PKLR: variants seen among roughly 807,000 people sequenced by gnomAD.
The protein encoded by PKLR is pyruvate kinase PKLR.
In PKLR, 38 loss-of-function variants were observed where a neutral mutation model predicts 53.6. The observed-to-expected ratio is 0.71, with a 90% confidence interval of 0.55 to 0.93. The LOEUF (loss-of-function observed/expected upper bound fraction) is 0.93. PKLR is among the 40% of genes least tolerant of loss of function. PKLR has a pLI of 0.00. For synonymous variants in PKLR, 328 were observed against 316.2 expected, an observed-to-expected ratio of 1.04 and a Z score of -0.39; for missense variants, 702 against 787.3, an observed-to-expected ratio of 0.89 and a Z score of 1.30.
chr1:155,300,283 G>A lies in PKLR; in HGVS notation c.101-3C>T. ...CCGCCGCAGATACCCCGCTGGCCCTGTGGTAGAAGGGGGCTCAGGGACTGC... is the reference window on the plus strand; with the variant it reads ...CCGCCGCAGATACCCCGCTGGCCCTATGGTAGAAGGGGGCTCAGGGACTGC... On this transcript the variant is annotated splice_polypyrimidine_tract_variant and splice_region_variant and intron_variant, in intron 1 of 10. Coordinates refer to ENST00000342741, the MANE Select transcript of PKLR (RefSeq NM_000298.6). The A allele has an allele frequency of 1.3e-6, 2 of 1,579,092 alleles. No homozygotes were observed. Among genetic ancestry groups the A allele is most frequent in the Admixed American group, 1.9e-5 (1 of 53,898 alleles).
upstream of PKLR, among the ~76,000 whole-genome samples, chr1:155,304,660 T>G (rs975924454): frequency 6.6e-6 from 1 of 152,002 alleles, no homozygotes; most frequent in Non-Finnish European, 1.5e-5. Flanking sequence ...GCTTGAGCAG[T>G]TGGGTAGATG....
chr1:155,307,469 G>C, the PKLR span, among the ~76,000 whole-genome samples: 71 of 152,292 alleles, frequency 4.7e-4, no homozygotes, highest in African/African-American at 1.5e-3. Flanking sequence ...TAGGAGATTG[G>C]CTCAAGATAC....
upstream of PKLR, among the ~76,000 whole-genome samples, chr1:155,305,513 C>A (rs1189382172): frequency 6.6e-6 from 1 of 152,150 alleles, no homozygotes; most frequent in African/African-American, 2.4e-5. Flanking sequence ...ATAGAAGACA[C>A]AACAAATAAA....
rs184844386 is a variant in PKLR at position 155,292,798 on chromosome 1, C to A, written c.1436+379G>T. ...CAACCCCATGAAGAACAAATCATTA[C>A]CTTGTCCTGTTCATGAGGAAAGACA... On this transcript the variant is annotated intron_variant, in intron 9 of 10. Transcript: ENST00000342741. Among the ~76,000 whole-genome samples, 19 of 152,230 alleles carry A rather than the reference C, an allele frequency of 1.2e-4. No individual in the cohort carries two copies. In the East Asian group the frequency reaches 3.5e-3, roughly 28 times the overall value.
At chr1:155,304,357 C>T (rs1187338917), upstream of PKLR, among the ~76,000 whole-genome samples, 15 of 146,786 alleles carry the variant, frequency 1.0e-4, no homozygotes, top group African/African-American at 3.6e-4. Context: ...TCACTTGAAT[C>T]CGGGAGGCAG....
In PKLR at chr1:155,300,117, G is replaced by A. The variant is rs1198673903; in HGVS notation, c.264C>T (p.Thr88=). 6.2e-7 allele frequency: 1 copy of A among 1,613,854 alleles called. No individual in the cohort carries two copies. Residue 88 remains threonine (T), a synonymous_variant, in exon 2 of 11, where the codon ACC becomes ACT. Transcript: ENST00000342741. ...IDSEPVAARS[T]SIIATIGPAS... is the part of the protein sequence containing the mutation. Reference sequence around the variant, plus strand: ...GCTTACCGATGGTGGCAATGATGCTGGTACTGCGAGCAGCCACGGGCTCGG... The same window carrying A: ...GCTTACCGATGGTGGCAATGATGCTAGTACTGCGAGCAGCCACGGGCTCGG...
At position 155,295,477 on chromosome 1, in the gene PKLR, TCC is replaced by T; in HGVS notation, c.465_466del (p.Asp156HisfsTer64). The stretch of plus-strand genomic sequence containing the variant: ...AGTGCGGATCTCCGGTCCCTTGGTG[TCC>T]AGGGCGATGGCCACGGGCCGGTAGC... On this transcript the variant is annotated frameshift_variant, in exon 4 of 11. Transcript: ENST00000342741. LOFTEE classifies it high-confidence loss of function. This position sits in a 1 kb window ranked among gnomAD's most constrained non-coding sequence, Gnocchi z 4.3. 6.2e-7 allele frequency: 1 copy of T among 1,609,392 alleles called. No individual in the cohort carries two copies. Among genetic ancestry groups the T allele is most frequent in the Non-Finnish European group, 8.5e-7 (1 of 1,178,074 alleles).
Position 155,295,245 on chromosome 1 carries a change from G to T in PKLR, c.565C>A (p.Pro189Thr). 1.2e-6 allele frequency: 2 copies of T among 1,614,094 alleles called. No homozygotes were observed. The highest frequency in any genetic ancestry group is 2.2e-5 in the South Asian group (2 of 91,076). The change falls in exon 5 of 11, where the codon CCC becomes ACC. Residue 189 changes from proline (P) to threonine (T), a missense_variant. This residue lies in a region of PKLR where 519 missense variants were observed against 537.1 expected (regional missense o/e 0.97). Transcript: ENST00000342741. This position sits in a 1 kb window ranked among gnomAD's most constrained non-coding sequence, Gnocchi z 4.3. ...KGSQVLVTVD[P>T]AFRTRGNANT... is the part of the protein sequence containing the mutation. ...GCGTTCCCCCGCGTCCGGAACGCGG[G>T]GTCCACAGTCACCAGCACCTGGGAG...
intron 2 of PKLR, among the ~76,000 whole-genome samples, chr1:155,298,996 TTC>T (rs771082317): frequency 5.3e-4 from 52 of 98,438 alleles, no homozygotes; most frequent in Non-Finnish European, 8.9e-4. Flanking sequence ...CTTTCTTTCT[TTC>T]TTTCTTTCTT....
chr1:155,307,265 C>T, the PKLR span, among the ~76,000 whole-genome samples: 8 of 152,168 alleles, frequency 5.3e-5, no homozygotes, highest in African/African-American at 1.7e-4. Flanking sequence ...CACCCTCCAC[C>T]GGTGACAGTA....
chr1:155,300,831 C>T, intron 1 of PKLR: 9 of 1,603,610 alleles, frequency 5.6e-6, no homozygotes, highest in Non-Finnish European at 7.7e-6. Flanking sequence ...ACAGAGGTCC[C>T]TGTAGCTTGA....
chr1:155,291,632 C>T lies in PKLR; in HGVS notation c.1618+124G>A, dbSNP rs1002781598. On this transcript the variant is annotated intron_variant, in intron 10 of 10. Coordinates refer to ENST00000342741, the MANE Select transcript of PKLR (RefSeq NM_000298.6). ...CAGACTGATATCTCAGTCTTAGTGA[C>T]TCTCACAGGGAAAACCTGGGACCAC... The T allele has an allele frequency of 2.8e-5, 23 of 822,186 alleles. No individual in the cohort carries two copies. The East Asian group carries it at 5.6e-4, about 20-fold the overall frequency. 50.9% of individuals were successfully genotyped at this position (822,186 alleles called of 1,614,324 possible). A position where few individuals can be genotyped will look rare whatever the true frequency, so the allele number is the denominator to read the frequency against.
rs758011557 is a variant in PKLR at position 155,293,565 on chromosome 1, G to A, written c.1142C>T (p.Pro381Leu). Residue 381 changes from proline (P) to leucine (L), a missense_variant, in exon 8 of 11, where the codon CCC becomes CTC. Coordinates refer to ENST00000342741, the MANE Select transcript of PKLR (RefSeq NM_000298.6). This position sits in a 1 kb window ranked among gnomAD's most constrained non-coding sequence, Gnocchi z 4.2. ...GCTTGTCTCTGCCCTCGTTGGCCGG[G>A]GCTTGGTAATCATGCTCTCCAGCAT... ...TQMLESMITK[P>L]RPTRAETSDV... is the part of the protein sequence containing the mutation. 2 of 1,614,066 alleles carry A rather than the reference G, an allele frequency of 1.2e-6. No homozygotes were observed. Among genetic ancestry groups the A allele is most frequent in the African/African-American group, 2.7e-5 (2 of 74,920 alleles).
At position 155,294,532 on chromosome 1, in the gene PKLR, T is replaced by A; in HGVS notation, c.915A>T (p.Gly305=). The change falls in exon 6 of 11, where the codon GGA becomes GGT. Residue 305 remains glycine, a synonymous_variant. Transcript: ENST00000342741. ...TTTTGCTGATGATCTTGATGCCGTG[T>A]CCTTCCGGACCCAGAGCAGCCCTGA... ...AAVRAALGPE[G]HGIKIISKIE... The A allele has an allele frequency of 6.2e-7, 1 of 1,614,236 alleles. No homozygotes were observed. The highest frequency in any genetic ancestry group is 8.5e-7 in the Non-Finnish European group (1 of 1,180,040).
intron 10 of PKLR, 54 bp from the exon 11 acceptor site, chr1:155,290,732 T>C: frequency 1.8e-6 from 2 of 1,098,728 alleles, no homozygotes; most frequent in Non-Finnish European, 2.8e-6. Context: ...CTCACACCTG[T>C]AATCCCATCA....
Position 155,301,433 on chromosome 1 carries a change from T to G in PKLR, c.-38A>C. 6.2e-7 allele frequency: 1 copy of G among 1,613,816 alleles called. No homozygotes were observed. The highest frequency in any genetic ancestry group is 8.5e-7 in the Non-Finnish European group (1 of 1,179,960). On this transcript the variant is annotated 5_prime_UTR_variant, in exon 1 of 11. Coordinates refer to ENST00000342741, the MANE Select transcript of PKLR (RefSeq NM_000298.6). ...GGCCTGGGGCTGCGGGACCATGGAA[T>G]GAGAGGGAGAGGATGACAAAACTGC...
upstream of PKLR, among the ~76,000 whole-genome samples, chr1:155,306,374 C>A (rs1418577192): frequency 6.6e-6 from 1 of 152,168 alleles, no homozygotes; most frequent in Non-Finnish European, 1.5e-5. This position sits in a 1 kb window ranked among gnomAD's most constrained non-coding sequence, Gnocchi z 4.2. Context: ...ATGGGCCGTG[C>A]CCCGACGCAT....
chr1:155,304,692 A>G (rs931859733), upstream of PKLR, among the ~76,000 whole-genome samples: 6 of 152,184 alleles, frequency 3.9e-5, no homozygotes, highest in African/African-American at 1.4e-4. Context: ...AACTGAGACT[A>G]CGGAAGAAAT....
At chr1:155,298,549 A>G (rs1219262377) in intron 2 of PKLR, among the ~76,000 whole-genome samples, 3 of 138,590 alleles carry the variant, frequency 2.2e-5, no homozygotes, top group Non-Finnish European at 4.6e-5. Flanking sequence ...CTGGTCTCGA[A>G]CTCCTGACCT....
Sources: gnomAD v4.1 joint callset for allele counts (sites outside exome capture counted in the v4.1 genomes callset) on GRCh38, gnomAD v4.1.1 for gene constraint, gnomAD v4.1.1 regional missense constraint, Gnocchi (gnomAD v3.1) non-coding constraint, MANE v1.5 for transcripts, NCBI Gene and HGNC (gene_info 2026-07-23, HGNC 2026-07-21) for gene names.